Variants in CAPG observed in about 807,000 individuals in gnomAD.
CAPG encodes the protein capping actin protein, gelsolin like.
Under a neutral mutation model 44.6 loss-of-function variants are expected in CAPG, and 32 were observed. The observed-to-expected ratio is 0.72, with a 90% CI of 0.54 to 0.96. CAPG has a LOEUF of 0.96. CAPG is among the 50% of genes least tolerant of loss of function. The pLI is 0.00. For missense variants in CAPG, 412 were observed against 438.3 expected (o/e 0.94, Z 0.54); for synonymous variants, 175 against 179.6 (o/e 0.97, Z 0.20).
rs117554152 is a variant in CAPG, at chr2:85,404,043, C to A, written c.-13-1885G>T. Among the ~76,000 whole-genome samples, 94 of 151,868 alleles carry A rather than the reference C, an allele frequency of 6.2e-4. 2 individuals carry two copies. The East Asian group carries it at 0.017, about 27-fold the overall frequency. On this transcript the variant is annotated intron_variant, in intron 1 of 9. Transcript: ENST00000263867. The stretch of plus-strand genomic sequence containing the variant: ...AGGGTGATGATAGCTAATAATAATG[C>A]AGTGTATATTTCAAGATAGCCAGAA...
At chr2:85,394,607 C>T (rs1573169862), downstream of CAPG, 2 of 494,796 alleles carry the variant, frequency 4.0e-6, no homozygotes, top group South Asian at 4.3e-5. Flanking sequence ...TCCCTGCAAG[C>T]CTGGCTGGGA....
chr2:85,402,474 A>G (rs1313651832), intron 1 of CAPG, among the ~76,000 whole-genome samples: 1 of 150,564 alleles, frequency 6.6e-6, no homozygotes, highest in Non-Finnish European at 1.5e-5. Context: ...AGAGCAATGA[A>G]TTTTTTTTTT....
intron 6 of CAPG, 105 bp from the exon 7 acceptor site, chr2:85,398,887 CACT>C (rs1364714823): frequency 3.3e-6 from 3 of 915,890 alleles, no homozygotes; most frequent in Admixed American, 5.4e-5. Flanking sequence ...CTGCGCCCTG[CACT>C]AGGGCACCCA....
intron 1 of CAPG, among the ~76,000 whole-genome samples, chr2:85,417,361 TAGTA>T (rs1687578990): frequency 1.3e-5 from 2 of 152,130 alleles, no homozygotes; most frequent in African/African-American, 4.8e-5. Flanking sequence ...AGGTCCCACT[TAGTA>T]AGCGGCAGAG....
In CAPG at chr2:85,401,512, T is replaced by G; in HGVS notation, c.351+17A>C. 6.2e-7 allele frequency: 1 copy of G among 1,613,354 alleles called. No individual in the cohort carries two copies. The highest frequency in any genetic ancestry group is 8.5e-7 in the Non-Finnish European group (1 of 1,179,452). ...AGGGAAGCTGCAGGGTGGGGGTGCC[T>G]AGAGGTGGGCTCTGACCTGGTACTT... On this transcript the variant is annotated intron_variant, in intron 4 of 9. Transcript: ENST00000263867.
At chr2:85,401,427 C>T (rs1002803694) in intron 4 of CAPG, 98 bp from the exon 5 acceptor site, 21 of 1,573,002 alleles carry the variant, frequency 1.3e-5, no homozygotes, top group Admixed American at 8.6e-5. Context: ...GGGGACCCGG[C>T]TCCAAAGGCA....
At chr2:85,399,345 C>T (rs1180625804) in intron 5 of CAPG, 60 bp from the exon 6 acceptor site, 1 of 1,563,182 alleles carries the variant, frequency 6.4e-7, no homozygotes, top group Non-Finnish European at 8.7e-7. Flanking sequence ...CTCCCCAGCT[C>T]AGAGAAGGGC....
intron 5 of CAPG, 146 bp from the exon 6 acceptor site, chr2:85,399,431 G>A (rs1367112471): frequency 2.5e-6 from 2 of 792,962 alleles, no homozygotes; most frequent in African/African-American, 3.5e-5. Flanking sequence ...AGCACAGAGG[G>A]CTCTCTGAAA....
At chr2:85,398,216 A>C in intron 7 of CAPG, 64 bp from the exon 8 acceptor site, 1 of 1,571,974 alleles carries the variant, frequency 6.4e-7, no homozygotes, top group Non-Finnish European at 8.7e-7. Context: ...CAGCCTGAGG[A>C]GGGGGAGGCT....
chr2:85,409,067 C>T (rs1277485005), intron 1 of CAPG, among the ~76,000 whole-genome samples: 1 of 152,098 alleles, frequency 6.6e-6, no homozygotes, highest in Non-Finnish European at 1.5e-5. Flanking sequence ...AGTTATGGAC[C>T]CGCCTACCTC....
At chr2:85,393,996 G>A (rs956934455), downstream of CAPG, among the ~76,000 whole-genome samples, 1 of 152,234 alleles carries the variant, frequency 6.6e-6, no homozygotes, top group Non-Finnish European at 1.5e-5. Flanking sequence ...ACCTGGGGGT[G>A]AGGATGAGTC....
At chr2:85,414,052 C>T, upstream of CAPG, 1 of 152,564 alleles carries the variant, frequency 6.6e-6, no homozygotes, top group Non-Finnish European at 1.5e-5. Context: ...AGGTGCGCGG[C>T]CAGGAGCCGC....
upstream of CAPG, among the ~76,000 whole-genome samples, chr2:85,411,374 G>A (rs536649004): frequency 1.3e-5 from 2 of 152,328 alleles, no homozygotes; most frequent in East Asian, 3.9e-4. Flanking sequence ...AGACCCTAGA[G>A]CTTGTCTCCT....
intron 5 of CAPG, among the ~76,000 whole-genome samples, chr2:85,399,715 G>A (rs994668528): frequency 1.3e-5 from 2 of 150,168 alleles, no homozygotes; most frequent in African/African-American, 4.9e-5. Flanking sequence ...GTTACAAACC[G>A]CTGGGCTCAA....
At chr2:85,392,273 C>G (rs532867248), downstream of CAPG, among the ~76,000 whole-genome samples, 36 of 152,212 alleles carry the variant, frequency 2.4e-4, 1 homozygote, top group East Asian at 7.0e-3. Context: ...GCCTGTAGTC[C>G]CAGCTACTCA....
chr2:85,418,827 G>T (rs116761930), upstream of CAPG: 8,686 of 152,356 alleles, frequency 0.057, 376 homozygotes, highest in Non-Finnish European at 0.084. Context: ...TTCTCTCCTC[G>T]CAAACCCAGC....
Position 85,401,145 on chromosome 2 carries a change from A to G in CAPG, c.516+20T>C, listed in dbSNP as rs1351230285. The G allele has an allele frequency of 1.2e-6, 2 of 1,611,218 alleles. No homozygotes were observed. Among genetic ancestry groups the G allele is most frequent in the Admixed American group, 3.3e-5 (2 of 59,820 alleles). On this transcript the variant is annotated intron_variant, in intron 5 of 9. Transcript: ENST00000263867. Reference sequence around the variant, plus strand: ...AGGATGGTGCCAATACGGAGTGCTCAGTCTGGCCAGCCTACCCACCTGGCC... The same window carrying G: ...AGGATGGTGCCAATACGGAGTGCTCGGTCTGGCCAGCCTACCCACCTGGCC...
chr2:85,408,236 G>A (rs1687258780), intron 1 of CAPG, among the ~76,000 whole-genome samples: 1 of 152,146 alleles, frequency 6.6e-6, no homozygotes, highest in Non-Finnish European at 1.5e-5. Flanking sequence ...CAGCTACTTA[G>A]GAGGCTGAGG....
rs868045753 is a variant in CAPG at position 85,401,066 on chromosome 2, G to C, written c.516+99C>G. The stretch of plus-strand genomic sequence containing the variant: ...GTGATCTCACTTGGAATGGGTTTAC[G>C]GCTTCTCAGCTTCTCTCCCTCTTTC... On this transcript the variant is annotated intron_variant, in intron 5 of 9. Coordinates refer to ENST00000263867, the MANE Select transcript of CAPG (RefSeq NM_001747.4). 4.2e-6 allele frequency: 5 copies of C among 1,189,950 alleles called. No homozygotes were observed. The African/African-American group carries it at 4.6e-5, about 11-fold the overall frequency. 73.7% of individuals were successfully genotyped at this position (1,189,950 alleles called of 1,614,324 possible). A position where few individuals can be genotyped will look rare whatever the true frequency, so the allele number is the denominator to read the frequency against.
Sources: allele counts gnomAD v4.1 joint callset (sites outside exome capture counted in the v4.1 genomes callset), GRCh38; gene constraint gnomAD v4.1.1; transcripts MANE v1.5; gene names NCBI Gene and HGNC (gene_info 2026-07-23, HGNC 2026-07-21).